Variants in PTPRM observed in about 807,000 individuals in gnomAD.
PTPRM encodes the protein protein tyrosine phosphatase receptor type M.
Under a neutral mutation model 186.7 loss-of-function variants are expected in PTPRM, and 47 were observed. That is an observed-to-expected ratio of 0.25 (90% CI 0.20 to 0.32). The LOEUF (loss-of-function observed/expected upper bound fraction) is 0.32. PTPRM is among the 10% of genes least tolerant of loss of function. The pLI, the probability that PTPRM is intolerant of heterozygous loss-of-function variation, is 1.00. For synonymous variants in PTPRM, 668 were observed against 674.9 expected (o/e 0.99, Z 0.16); for missense variants, 1,494 against 1,865.0 (o/e 0.80, Z 3.66).
chr18:8,087,085 A>G (rs2090471593), intron 10 of PTPRM, among the ~76,000 whole-genome samples: 1 of 152,100 alleles, frequency 6.6e-6, no homozygotes, highest in Non-Finnish European at 1.5e-5. Flanking sequence ...TTTGCCAGGC[A>G]CTTCCTCTCT....
intron 1 of PTPRM, among the ~76,000 whole-genome samples, chr18:7,654,373 G>A (rs1168703700): frequency 2.6e-5 from 4 of 152,090 alleles, no homozygotes; most frequent in African/African-American, 4.8e-5. Flanking sequence ...AGACCTTGGC[G>A]ATGACCTTGA....
chr18:8,344,474 A>ATATATATATATATATATATATATATC (rs1318982857), intron 23 of PTPRM, among the ~76,000 whole-genome samples: 3 of 147,290 alleles, frequency 2.0e-5, no homozygotes, highest in African/African-American at 5.2e-5. Flanking sequence ...ATATATATAT[A>ATATATATATATATATATATATATATC]TCTAGCAAAA....
intron 14 of PTPRM, among the ~76,000 whole-genome samples, chr18:8,199,242 G>T (rs2093820523): frequency 6.6e-6 from 1 of 152,102 alleles, no homozygotes; most frequent in African/African-American, 2.4e-5. Context: ...TCCTTATGTT[G>T]CAGCTGAGGA....
chr18:8,163,289 G>A (rs964177486), intron 14 of PTPRM, among the ~76,000 whole-genome samples: 1 of 151,990 alleles, frequency 6.6e-6, no homozygotes, highest in East Asian at 1.9e-4. Flanking sequence ...CTAAAGTTGT[G>A]ATTTTTTTTT....
rs552973950 is a variant in PTPRM at position 7,636,545 on chromosome 18, G to A, written c.73+68654G>A. ...AATTGCATGGCCCTCCATTGGACAA[G>A]TGGGGCTAAAATGTAAGCAAGGTGG... On this transcript the variant is annotated intron_variant, in intron 1 of 32. Transcript: ENST00000580170. Among the ~76,000 whole-genome samples, 47 of 152,266 alleles carry A rather than the reference G, an allele frequency of 3.1e-4. No individual in the cohort carries two copies. The South Asian group carries it at 9.5e-3, about 31-fold the overall frequency.
At chr18:7,828,965 T>C (rs1044421617) in intron 2 of PTPRM, among the ~76,000 whole-genome samples, 2 of 152,230 alleles carry the variant, frequency 1.3e-5, no homozygotes, top group Non-Finnish European at 2.9e-5. Flanking sequence ...TGTTTTTTGG[T>C]CTGGCCTCTA....
At chr18:7,880,236 G>T (rs774996335) in intron 2 of PTPRM, among the ~76,000 whole-genome samples, 4 of 152,194 alleles carry the variant, frequency 2.6e-5, no homozygotes, top group Non-Finnish European at 5.9e-5. Flanking sequence ...AAAGGGATGT[G>T]CAGTTGGTTA....
intron 1 of PTPRM, among the ~76,000 whole-genome samples, chr18:7,734,717 G>A (rs1276772573): frequency 9.2e-5 from 14 of 152,236 alleles, no homozygotes; most frequent in East Asian, 1.9e-4. Flanking sequence ...TGTTCTAGGG[G>A]GTATTGCTAA....
intron 1 of PTPRM, among the ~76,000 whole-genome samples, chr18:7,580,079 C>T (rs2000641): frequency 0.057 from 8,708 of 152,204 alleles, 394 homozygotes; most frequent in East Asian, 0.15. Context: ...GCTGTCACCT[C>T]GATAAGTTGA....
chr18:7,714,928 T>C (rs929487189), intron 1 of PTPRM, among the ~76,000 whole-genome samples: 4 of 152,064 alleles, frequency 2.6e-5, no homozygotes, highest in African/African-American at 9.7e-5. Flanking sequence ...AGCCGAATTC[T>C]ACGAGAGGTA....
chr18:8,367,089 T>A (rs554599737), intron 23 of PTPRM: 8 of 152,076 alleles, frequency 5.3e-5, no homozygotes, highest in Admixed American at 1.3e-4. Flanking sequence ...AAACTCTAAA[T>A]GCAGAGAGAA....
chr18:8,240,805 A>G (rs77582496), intron 14 of PTPRM, among the ~76,000 whole-genome samples: 6 of 44,140 alleles, frequency 1.4e-4, no homozygotes, highest in African/African-American at 6.0e-4. Context: ...AGAGAGAGAG[A>G]GAGAGAGAGA....
chr18:7,985,895 A>G (rs984489105), intron 7 of PTPRM, among the ~76,000 whole-genome samples: 5 of 152,100 alleles, frequency 3.3e-5, no homozygotes, highest in Non-Finnish European at 5.9e-5. Flanking sequence ...TCCAGGGGAT[A>G]GGTGGACTCT....
At chr18:7,916,610 T>A (rs779212968) in intron 4 of PTPRM, among the ~76,000 whole-genome samples, 3 of 151,996 alleles carry the variant, frequency 2.0e-5, no homozygotes, top group East Asian at 1.9e-4. Flanking sequence ...TGAGTCCTTT[T>A]CTTTTTTAAA....
chr18:7,699,093 A>G (rs1475910077), intron 1 of PTPRM, among the ~76,000 whole-genome samples: 3 of 152,140 alleles, frequency 2.0e-5, no homozygotes, highest in African/African-American at 7.2e-5. Flanking sequence ...AGATTCTCAT[A>G]GGAGCACGAA....
At chr18:8,098,095 TA>T (rs758869968) in intron 11 of PTPRM, among the ~76,000 whole-genome samples, 31 of 152,138 alleles carry the variant, frequency 2.0e-4, no homozygotes, top group South Asian at 1.0e-3. Flanking sequence ...CCATACAGCC[TA>T]GGGGTGTAGT....
At chr18:8,360,234 T>G (rs1329458291) in intron 23 of PTPRM, among the ~76,000 whole-genome samples, 1 of 152,142 alleles carries the variant, frequency 6.6e-6, no homozygotes, top group African/African-American at 2.4e-5. Context: ...ACAACCAGAA[T>G]TCACTGCCTC....
At chr18:7,673,450 C>T (rs899405834) in intron 1 of PTPRM, among the ~76,000 whole-genome samples, 10 of 152,156 alleles carry the variant, frequency 6.6e-5, no homozygotes, top group African/African-American at 9.7e-5. Context: ...GCTGATTAAT[C>T]TGCGTGAAGA....
chr18:7,800,555 G>A (rs2043905648), intron 2 of PTPRM, among the ~76,000 whole-genome samples: 1 of 152,178 alleles, frequency 6.6e-6, no homozygotes, highest in Non-Finnish European at 1.5e-5. Context: ...CACCCAGTTT[G>A]ACAGGTTGGA....
Sources: allele counts gnomAD v4.1 joint callset (sites outside exome capture counted in the v4.1 genomes callset), GRCh38; gene constraint gnomAD v4.1.1; transcripts MANE v1.5; gene names NCBI Gene and HGNC (gene_info 2026-07-23, HGNC 2026-07-21).